MEIS2: variants seen among roughly 807,000 people sequenced by gnomAD.
MEIS2 encodes homeobox protein Meis2.
Under a neutral mutation model 58.6 loss-of-function variants are expected in MEIS2, and 9 were observed. The observed-to-expected ratio is 0.15, with a 90% CI of 0.09 to 0.27. The LOEUF (loss-of-function observed/expected upper bound fraction) is 0.27, where lower values mean the gene tolerates loss of function less well. Among genes scored for constraint, MEIS2 ranks in the 10% least tolerant of loss-of-function variants. MEIS2 has a pLI of 1.00. For synonymous variants in MEIS2, 221 were observed against 228.4 expected, an observed-to-expected ratio of 0.97 and a Z score of 0.29; for missense variants, 427 against 635.0, an observed-to-expected ratio of 0.67 and a Z score of 3.52.
At chr15:36,967,459 A>G (rs554290561) in intron 8 of MEIS2, among the ~76,000 whole-genome samples, 5 of 152,284 alleles carry the variant, frequency 3.3e-5, no homozygotes, top group African/African-American at 1.2e-4. Flanking sequence ...GCTGATTTGG[A>G]AGAAAGTCTT....
intron 8 of MEIS2, among the ~76,000 whole-genome samples, chr15:36,995,736 G>C (rs58334261): frequency 2.0e-4 from 6 of 30,506 alleles, no homozygotes; most frequent in East Asian, 1.2e-3. Flanking sequence ...AAAAAACAAA[G>C]AAAAGAAAAG....
At chr15:37,024,615 T>G (rs896180003) in intron 8 of MEIS2, among the ~76,000 whole-genome samples, 1 of 152,206 alleles carries the variant, frequency 6.6e-6, no homozygotes, top group African/African-American at 2.4e-5. Context: ...AATCTCTGTA[T>G]GTAGAATCAA....
chr15:37,087,249 G>A (rs1337373992), intron 6 of MEIS2, among the ~76,000 whole-genome samples: 1 of 152,132 alleles, frequency 6.6e-6, no homozygotes, highest in East Asian at 1.9e-4. Flanking sequence ...TATTCCCAGT[G>A]GCTTTGGTAA....
chr15:37,014,194 A>G (rs1311697687), intron 8 of MEIS2, among the ~76,000 whole-genome samples: 1 of 152,230 alleles, frequency 6.6e-6, no homozygotes, highest in Non-Finnish European at 1.5e-5. Flanking sequence ...GATATATGTG[A>G]AGCGTAGACC....
intron 1 of MEIS2, chr15:37,099,032 C>G (rs1259785498): frequency 1.0e-6 from 1 of 983,172 alleles, no homozygotes; most frequent in African/African-American, 1.8e-5. Context: ...GCCCCGGCGG[C>G]GGCTCCTACG....
chr15:36,934,243 G>A (rs1297061720), intron 9 of MEIS2, among the ~76,000 whole-genome samples: 6 of 151,700 alleles, frequency 4.0e-5, no homozygotes, highest in African/African-American at 9.7e-5. Context: ...GAAAAGGAGA[G>A]GAGAACATAT....
intron 7 of MEIS2, among the ~76,000 whole-genome samples, chr15:37,045,485 AAG>A (rs960083873): frequency 5.2e-4 from 42 of 81,300 alleles, no homozygotes; most frequent in African/African-American, 2.2e-3. Context: ...GATTAAAAAA[AAG>A]AAGAAGAAGA....
intron 9 of MEIS2, among the ~76,000 whole-genome samples, chr15:36,916,202 T>C (rs1190590985): frequency 6.6e-6 from 1 of 151,678 alleles, no homozygotes; most frequent in East Asian, 1.9e-4. Context: ...CAAAGGTGTG[T>C]GGATCACGAG....
intron 9 of MEIS2, among the ~76,000 whole-genome samples, chr15:36,913,092 A>T (rs1190370548): frequency 6.6e-6 from 1 of 152,236 alleles, no homozygotes; most frequent in African/African-American, 2.4e-5. Flanking sequence ...ATTCTAAGGC[A>T]GAACTATACT....
rs904539884 is a variant in MEIS2 at position 36,891,206 on chromosome 15, T to C, written c.*967A>G. 1 of 152,466 alleles carries C rather than the reference T, an allele frequency of 6.6e-6. No individual in the cohort carries two copies. Among genetic ancestry groups the C allele is most frequent in the African/African-American group, 2.4e-5 (1 of 41,392 alleles). The allele number at this position is 152,466 out of a possible 1,614,324, so 9.4% of individuals were successfully genotyped here. A position where few individuals can be genotyped will look rare whatever the true frequency, so the allele number is the denominator to read the frequency against. ...AAAAGAAGAATTCATGGACATACAA[T>C]ACCAATTCCACAGCAGATCTGATAC... On this transcript the variant is annotated 3_prime_UTR_variant, in exon 12 of 12. Coordinates refer to ENST00000561208, the MANE Select transcript of MEIS2 (RefSeq NM_170675.5).
intron 8 of MEIS2, among the ~76,000 whole-genome samples, chr15:36,953,613 T>G (rs2058842419): frequency 6.6e-6 from 1 of 152,194 alleles, no homozygotes; most frequent in Non-Finnish European, 1.5e-5. Flanking sequence ...TAGGTTAAAC[T>G]TTTTCACATC....
At chr15:36,953,172 T>C (rs1474662756) in intron 8 of MEIS2, among the ~76,000 whole-genome samples, 1 of 152,170 alleles carries the variant, frequency 6.6e-6, no homozygotes, top group Non-Finnish European at 1.5e-5. Context: ...ATTGGAACCA[T>C]GACAATGTGT....
chr15:36,914,769 T>A (rs926518715), intron 9 of MEIS2, among the ~76,000 whole-genome samples: 5 of 151,346 alleles, frequency 3.3e-5, no homozygotes, highest in Admixed American at 1.3e-4. Flanking sequence ...TAACCTCTAT[T>A]TTTTTTTTCC....
At chr15:37,003,895 G>C (rs550689695) in intron 8 of MEIS2, among the ~76,000 whole-genome samples, 1 of 152,114 alleles carries the variant, frequency 6.6e-6, no homozygotes. Context: ...TCTCTACACC[G>C]GGAAGTAAGC....
At chr15:37,088,863 C>T (rs922881961) in intron 6 of MEIS2, among the ~76,000 whole-genome samples, 2 of 151,934 alleles carry the variant, frequency 1.3e-5, no homozygotes, top group African/African-American at 4.8e-5. Flanking sequence ...TGGGATATTC[C>T]ATAGAACATT....
At chr15:37,037,363 G>A (rs1290479465) in intron 7 of MEIS2, among the ~76,000 whole-genome samples, 1 of 152,176 alleles carries the variant, frequency 6.6e-6, no homozygotes, top group Non-Finnish European at 1.5e-5. Context: ...TAGGCTGCCT[G>A]CATAGGTGAC....
chr15:36,971,521 G>A (rs951277729), intron 8 of MEIS2, among the ~76,000 whole-genome samples: 4 of 50,924 alleles, frequency 7.9e-5, no homozygotes, highest in Admixed American at 2.7e-4. Context: ...TGTATTACTT[G>A]TATGCCTTGT....
intron 9 of MEIS2, chr15:36,898,892 T>C (rs1391031007): frequency 6.6e-6 from 1 of 152,244 alleles, no homozygotes; most frequent in East Asian, 1.9e-4. Context: ...ATAGAAGCAC[T>C]GAACTTGGAA....
At chr15:37,082,723 C>T (rs1347045773) in intron 7 of MEIS2, among the ~76,000 whole-genome samples, 1 of 152,156 alleles carries the variant, frequency 6.6e-6, no homozygotes, top group Non-Finnish European at 1.5e-5. Flanking sequence ...GACCCATTCA[C>T]AAATGAATGG....
Sources: allele counts gnomAD v4.1 joint callset (sites outside exome capture counted in the v4.1 genomes callset), GRCh38; gene constraint gnomAD v4.1.1; transcripts MANE v1.5; gene names NCBI Gene and HGNC (gene_info 2026-07-23, HGNC 2026-07-21).